The following PPM1B variants were observed in gnomAD, a reference collection of about 807,000 sequenced individuals.
PPM1B encodes the protein protein phosphatase 1B.
Under a neutral mutation model 43.0 loss-of-function variants are expected in PPM1B, and 22 were observed. The observed-to-expected ratio is 0.51, with a 90% CI of 0.37 to 0.73. The LOEUF is 0.73. PPM1B is among the 30% of genes least tolerant of loss of function. PPM1B has a pLI of 0.00. For synonymous variants in PPM1B, 217 were observed against 197.9 expected (o/e 1.10, Z -0.81); for missense variants, 632 against 584.2 (o/e 1.08, Z -0.84).
chr2:44,169,834 T>C (rs1315071683), intron 1 of PPM1B, among the ~76,000 whole-genome samples: 2 of 152,224 alleles, frequency 1.3e-5, no homozygotes, highest in African/African-American at 2.4e-5. Flanking sequence ...CCGGCATCTC[T>C]TGCCTGTCTT....
At chr2:44,192,770 A>T (rs186936482) in intron 1 of PPM1B, among the ~76,000 whole-genome samples, 24 of 152,208 alleles carry the variant, frequency 1.6e-4, no homozygotes, top group African/African-American at 5.8e-4. Context: ...CTCTGCTTCT[A>T]TGAGTTTGAT....
At chr2:44,218,715 A>G (rs1227666145) in intron 5 of PPM1B, 178 bp downstream of exon 5, 1 of 561,322 alleles carries the variant, frequency 1.8e-6, no homozygotes, top group East Asian at 3.5e-5. Flanking sequence ...GAAGGTAGAG[A>G]TAAAATTTTG....
Position 44,172,602 on chromosome 2 carries a change from A to G in PPM1B, c.-15+3328A>G, listed in dbSNP as rs531341906. On this transcript the variant is annotated intron_variant, in intron 1 of 5. Coordinates refer to ENST00000282412, the MANE Select transcript of PPM1B (RefSeq NM_002706.6). ...TTTCATCTTTTGGATTAATTTAAGT[A>G]TGCTAAAGCCATTTTAGAATCTTTA... Among the ~76,000 whole-genome samples, 3 of 152,340 alleles carry G rather than the reference A, an allele frequency of 2.0e-5. No individual in the cohort carries two copies. In the East Asian group the frequency reaches 5.8e-4, roughly 29 times the overall value.
chr2:44,207,078 A>G (rs59024691), intron 2 of PPM1B, among the ~76,000 whole-genome samples: 5,618 of 152,292 alleles, frequency 0.037, 329 homozygotes, highest in African/African-American at 0.12. Flanking sequence ...GAAATACTCA[A>G]GTTGGTTCCT....
chr2:44,214,721 G>A (rs1669642027), intron 3 of PPM1B, among the ~76,000 whole-genome samples: 1 of 151,916 alleles, frequency 6.6e-6, no homozygotes, highest in African/African-American at 2.4e-5. Flanking sequence ...AAGTGTGTGG[G>A]GGTTTTCAGT....
At chr2:44,182,894 C>A (rs893898556) in intron 1 of PPM1B, among the ~76,000 whole-genome samples, 2 of 151,562 alleles carry the variant, frequency 1.3e-5, no homozygotes, top group Non-Finnish European at 2.9e-5. Flanking sequence ...CTTCGTCTAA[C>A]AAGGGAGCAT....
intron 2 of PPM1B, among the ~76,000 whole-genome samples, chr2:44,204,647 A>T (rs926374630): frequency 6.6e-6 from 1 of 152,116 alleles, no homozygotes; most frequent in East Asian, 1.9e-4. Context: ...TGACGAGGTC[A>T]GGAGATCGAG....
At chr2:44,220,315 T>G (rs1225959055) in intron 5 of PPM1B, among the ~76,000 whole-genome samples, 1 of 151,848 alleles carries the variant, frequency 6.6e-6, no homozygotes, top group Non-Finnish European at 1.5e-5. Flanking sequence ...TCATAGTCTA[T>G]TTTTACTCCA....
At chr2:44,245,942 A>G (rs1192314106), downstream of PPM1B, among the ~76,000 whole-genome samples, 1 of 152,206 alleles carries the variant, frequency 6.6e-6, no homozygotes, top group African/African-American at 2.4e-5. Flanking sequence ...CGCTTGAATT[A>G]TCTGTTTAAA....
intron 2 of PPM1B, among the ~76,000 whole-genome samples, chr2:44,206,312 A>G (rs957698166): frequency 7.9e-5 from 12 of 152,244 alleles, no homozygotes; most frequent in Admixed American, 6.5e-4. Flanking sequence ...ACAATGGCAC[A>G]AAGGAAAGGA....
chr2:44,206,679 C>T (rs1325054725), intron 2 of PPM1B, among the ~76,000 whole-genome samples: 1 of 152,006 alleles, frequency 6.6e-6, no homozygotes, highest in South Asian at 2.1e-4. Context: ...GTGTTAATTC[C>T]GTTTATGCAT....
downstream of PPM1B, among the ~76,000 whole-genome samples, chr2:44,246,483 G>A (rs973778749): frequency 2.6e-5 from 4 of 152,154 alleles, 1 homozygote; most frequent in Non-Finnish European, 5.9e-5. Context: ...GAATGAAACA[G>A]GTCCAAGTAC....
At chr2:44,231,624 A>T (rs1354025041), downstream of PPM1B, among the ~76,000 whole-genome samples, 1 of 152,174 alleles carries the variant, frequency 6.6e-6, no homozygotes, top group Admixed American at 6.5e-5. Flanking sequence ...AAAGTTTAAT[A>T]TTAAAATATA....
chr2:44,183,386 G>T (rs1344265037), intron 1 of PPM1B, among the ~76,000 whole-genome samples: 2 of 152,160 alleles, frequency 1.3e-5, no homozygotes, highest in Non-Finnish European at 2.9e-5. Context: ...TGTGGTTTTG[G>T]AAACAAATAT....
intron 1 of PPM1B, among the ~76,000 whole-genome samples, chr2:44,190,694 A>G (rs1394348287): frequency 6.6e-6 from 1 of 152,220 alleles, no homozygotes; most frequent in Middle Eastern, 3.2e-3. Flanking sequence ...CAGAAGTGAC[A>G]TTTATTTTGG....
At chr2:44,236,001 A>G (rs1572765844), downstream of PPM1B, among the ~76,000 whole-genome samples, 1 of 152,124 alleles carries the variant, frequency 6.6e-6, no homozygotes, top group Non-Finnish European at 1.5e-5. Flanking sequence ...AAGCTGCTTC[A>G]CCGTTAGTTT....
intron 1 of PPM1B, among the ~76,000 whole-genome samples, chr2:44,172,874 T>C (rs1489585957): frequency 1.3e-5 from 2 of 152,208 alleles, no homozygotes; most frequent in Non-Finnish European, 1.5e-5. Context: ...ACCAGTTTGC[T>C]CCAGCCTGGA....
intron 1 of PPM1B, among the ~76,000 whole-genome samples, chr2:44,188,039 C>T (rs749070789): frequency 6.6e-6 from 1 of 152,086 alleles, no homozygotes; most frequent in Non-Finnish European, 1.5e-5. Context: ...CGTGAGACAC[C>T]GCACCCAGCC....
chr2:44,177,132 A>G (rs1034936806), intron 1 of PPM1B, among the ~76,000 whole-genome samples: 24 of 152,212 alleles, frequency 1.6e-4, no homozygotes, highest in African/African-American at 5.8e-4. Context: ...CAAAATGCTG[A>G]TATGCAAGAG....
Sources: gnomAD v4.1 joint callset for allele counts (sites outside exome capture counted in the v4.1 genomes callset) on GRCh38, gnomAD v4.1.1 for gene constraint, MANE v1.5 for transcripts, NCBI Gene and HGNC (gene_info 2026-07-23, HGNC 2026-07-21) for gene names.